PLEC: variants seen among roughly 807,000 people sequenced by gnomAD.
PLEC encodes the protein plectin.
PLEC carries 216 observed loss-of-function variants against 392.8 expected under a neutral mutation model. The ratio of observed to expected loss-of-function variants is 0.55; its 90% CI spans 0.49 to 0.62. PLEC has a LOEUF of 0.62. Among genes scored for constraint, PLEC ranks in the 20% least tolerant of loss-of-function variants. PLEC has a pLI of 0.00. For synonymous variants in PLEC, 3,621 were observed against 2,980.6 expected, an observed-to-expected ratio of 1.21 and a Z score of -7.00; for missense variants, 6,863 against 6,563.4, an observed-to-expected ratio of 1.05 and a Z score of -1.58.
Position 143,916,083 on chromosome 8 carries a change from G to A in PLEC, c.*94C>T. ...TTTGGTTAAACTTTAGGCACCACTTGGGAGGAAGACACCTTTAAGCGTTGA... is the reference window on the plus strand; with the variant it reads ...TTTGGTTAAACTTTAGGCACCACTTAGGAGGAAGACACCTTTAAGCGTTGA... On this transcript the variant is annotated 3_prime_UTR_variant, in exon 32 of 32. Transcript: ENST00000345136. 1.2e-6 allele frequency: 1 copy of A among 805,854 alleles called. No individual in the cohort carries two copies. The highest frequency in any genetic ancestry group is 3.0e-5 in the Admixed American group (1 of 33,172). 49.9% of individuals were successfully genotyped at this position (805,854 alleles called of 1,614,324 possible). A position where few individuals can be genotyped will look rare whatever the true frequency, so the allele number is the denominator to read the frequency against.
rs1296757925 is a variant in PLEC at position 143,972,489 on chromosome 8, G to A, written c.70+914C>T. Among the ~76,000 whole-genome samples the A allele has an allele frequency of 4.6e-5, 7 of 152,210 alleles. No homozygotes were observed. The East Asian group carries it at 5.8e-4, about 13-fold the overall frequency. ...TACCCAGCTGGGCAAGGTTGTGGTG[G>A]AGAGCGGCACCACGGGGCCCCAGCA... On this transcript the variant is annotated intron_variant, in intron 1 of 31. Transcript: ENST00000356346.
chr8:143,932,691 G>T lies in PLEC; in HGVS notation c.1759C>A (p.Arg587=). Residue 587 remains arginine, a synonymous_variant, in exon 15 of 32, where the codon CGG becomes AGG. Coordinates refer to ENST00000345136, the MANE Select transcript of PLEC (RefSeq NM_201384.3). The stretch of plus-strand genomic sequence containing the variant: ...CCCAGGCAGTCACGGTAGGCACCCC[G>T]GGTGGCGGGGGAGAGCTGGCCCTGC... ...SDEGQLSPAT[R]GAYRDCLGRL... 1 of 1,607,658 alleles carries T rather than the reference G, an allele frequency of 6.2e-7. No individual in the cohort carries two copies. Among genetic ancestry groups the T allele is most frequent in the South Asian group, 1.1e-5 (1 of 90,476 alleles).
intron 1 of PLEC, chr8:143,945,105 G>A (rs1831253485): frequency 2.5e-6 from 1 of 405,092 alleles, no homozygotes; most frequent in Admixed American, 4.0e-5. Context: ...AAGGCCACAG[G>A]GGCCAAGAGA....
chr8:143,968,011 C>T (rs1554742830), intron 1 of PLEC, among the ~76,000 whole-genome samples: 1 of 151,654 alleles, frequency 6.6e-6, no homozygotes, highest in East Asian at 1.9e-4. Context: ...ACATGTAATC[C>T]CAGCTACTCG....
Position 143,918,924 on chromosome 8 carries a change from G to A in PLEC, c.10897C>T (p.Arg3633Cys), listed in dbSNP as rs200653006. The A allele has an allele frequency of 6.3e-5, 101 of 1,610,758 alleles. No homozygotes were observed. Among genetic ancestry groups the A allele is most frequent in the Admixed American group, 1.0e-4 (6 of 60,010 alleles). ...TCGTAGGAGGCCAGACCCTGCTGGC[G>A]GATGATCTCTGTCTTCTCAATGATC... Reference protein sequence around the residue: ...IEIIEKTEIIRQQGLASYDYV... With the variant: ...IEIIEKTEIICQQGLASYDYV... Residue 3633 changes from arginine (R) to cysteine (C), a missense_variant, in exon 32 of 32, where the codon CGC becomes TGC. Coordinates refer to ENST00000345136, the MANE Select transcript of PLEC (RefSeq NM_201384.3).
intron 1 of PLEC, among the ~76,000 whole-genome samples, chr8:143,967,151 C>T (rs1833139816): frequency 6.6e-6 from 1 of 151,526 alleles, no homozygotes; most frequent in Admixed American, 6.6e-5. Context: ...ATCACGAGGT[C>T]AGGAGATCGA....
upstream of PLEC, among the ~76,000 whole-genome samples, chr8:143,952,598 G>GC: frequency 6.6e-6 from 1 of 151,716 alleles, no homozygotes; most frequent in East Asian, 2.0e-4. Flanking sequence ...CAGGCCGACC[G>GC]CATCTTCCTG....
intron 1 of PLEC, among the ~76,000 whole-genome samples, chr8:143,967,513 C>G (rs1833171092): frequency 6.6e-6 from 1 of 152,118 alleles, no homozygotes; most frequent in Non-Finnish European, 1.5e-5. Context: ...TGGTGCTGCC[C>G]ACAGGCAACT....
Position 143,917,911 on chromosome 8 carries a change from C to T in PLEC, c.11910G>A (p.Gln3970=), listed in dbSNP as rs782710557. The part of the protein sequence containing the change: ...PGTAFELLEA[Q]AATGYVIDPI... ...GGTCGATGACGTAACCGGTGGCCGCCTGCGCCTCCAGGAGCTCAAAGGCTG... is the reference window on the plus strand; with the variant it reads ...GGTCGATGACGTAACCGGTGGCCGCTTGCGCCTCCAGGAGCTCAAAGGCTG... The change falls in exon 32 of 32, where the codon CAG becomes CAA. Residue 3970 remains glutamine, a synonymous_variant. Transcript: ENST00000345136. 8.7e-6 allele frequency: 14 copies of T among 1,613,144 alleles called. No individual in the cohort carries two copies. The Admixed American group carries it at 2.3e-4, about 27-fold the overall frequency.
At position 143,920,772 on chromosome 8, in the gene PLEC, GCA is replaced by G. The variant is rs782329610; in HGVS notation, c.9047_9048del (p.Val3016AlafsTer77). Reference sequence around the variant, plus strand: ...ACGTTGGCACCCCGGAGAGCCCGCCGCACAGTGTCCACCTCGGCTACGTCTCG... The same window carrying G: ...ACGTTGGCACCCCGGAGAGCCCGCCGCAGTGTCCACCTCGGCTACGTCTCG... ...SVRDVAEVDTVRRALRGANVI... is the reference protein window; with the variant it reads ...SVRDVAEVDTXRRALRGANVI... On this transcript the variant is annotated frameshift_variant, in exon 32 of 32. Coordinates refer to ENST00000345136, the MANE Select transcript of PLEC (RefSeq NM_201384.3). LOFTEE classifies it high-confidence loss of function. 1 of 1,606,602 alleles carries G rather than the reference GCA, an allele frequency of 6.2e-7. No homozygotes were observed.
At chr8:143,930,106 G>A (rs372820219) in intron 21 of PLEC, 38 bp downstream of exon 21, 302 of 1,598,906 alleles carry the variant, frequency 1.9e-4, no homozygotes, top group Non-Finnish European at 2.4e-4. Flanking sequence ...CGCCCCACCC[G>A]CCTTCCAGCC....
Position 143,923,437 on chromosome 8 carries a change from G to C in PLEC, c.6492C>G (p.Asp2164Glu), listed in dbSNP as rs575031901. 6.2e-7 allele frequency: 1 copy of C among 1,609,448 alleles called. No homozygotes were observed. Among genetic ancestry groups the C allele is most frequent in the South Asian group, 1.1e-5 (1 of 91,048 alleles). The change falls in exon 31 of 32, where the codon GAC becomes GAG. Residue 2164 changes from aspartate to glutamate, a missense_variant. Coordinates refer to ENST00000345136, the MANE Select transcript of PLEC (RefSeq NM_201384.3). ...QAALRQKQAA[D>E]AEMEKHKKFA... is the part of the protein sequence containing the mutation. ...ATTTCTTATGCTTCTCCATCTCCGC[G>C]TCAGCTGCCTGCTTCTGCCGCAGGG...
In PLEC at chr8:143,929,473, G is replaced by A. The variant is rs782746904; in HGVS notation, c.3022C>T (p.Arg1008Trp). 1.2e-5 allele frequency: 20 copies of A among 1,600,398 alleles called. No homozygotes were observed. Among genetic ancestry groups the A allele is most frequent in the East Asian group, 9.0e-5 (4 of 44,370 alleles). Residue 1008 changes from arginine to tryptophan, a missense_variant, in exon 24 of 32, where the codon CGG becomes TGG. Coordinates refer to ENST00000345136, the MANE Select transcript of PLEC (RefSeq NM_201384.3). ...ACETRTVHRL[R>W]LPLDKEPARE... is the part of the protein sequence containing the mutation. ...GCCGGCTCTTTGTCCAGCGGCAGCC[G>A]CAGGCGGTGCACGGTGCGCGTCTCA...
chr8:143,939,690 G>A, upstream of PLEC: 3 of 1,365,308 alleles, frequency 2.2e-6, no homozygotes, highest in Non-Finnish European at 2.9e-6. Flanking sequence ...CCAGGGAGGG[G>A]AGTGTCCCGG....
At position 143,922,740 on chromosome 8, in the gene PLEC, C is replaced by T. The variant is rs997170110; in HGVS notation, c.7189G>A (p.Ala2397Thr). The change falls in exon 31 of 32, where the codon GCC (alanine) becomes ACC (threonine). Residue 2397 changes from alanine (A) to threonine (T), a missense_variant. By Grantham distance (58) the Ala-to-Thr change is moderately conservative (BLOSUM62 0). Coordinates refer to ENST00000345136, the MANE Select transcript of PLEC (RefSeq NM_201384.3). ...CGCTGGGCGTCCTCCTCAGCGCGGG[C>T]CTGGGCTCGGCTCATCTCGGCCACA... Reference protein sequence around the residue: ...LRVAEMSRAQARAEEDAQRFR... With the variant: ...LRVAEMSRAQTRAEEDAQRFR... The T allele has an allele frequency of 6.2e-7, 1 of 1,610,638 alleles. No individual in the cohort carries two copies. Among genetic ancestry groups the T allele is most frequent in the Non-Finnish European group, 8.5e-7 (1 of 1,179,568 alleles).
intron 1 of PLEC, among the ~76,000 whole-genome samples, chr8:143,947,507 G>A (rs561509340): frequency 8.5e-5 from 13 of 152,324 alleles, no homozygotes; most frequent in Admixed American, 5.9e-4. Flanking sequence ...CACTTTGGGA[G>A]GCTGAGGCAG....
At chr8:143,937,272 T>C (rs1206349160) in intron 3 of PLEC, 30 bp from the exon 4 acceptor site, 19 of 1,548,064 alleles carry the variant, frequency 1.2e-5, no homozygotes, top group Non-Finnish European at 1.5e-5. Context: ...GCACCCACAG[T>C]GCAGCTGCAG....
Position 143,923,176 on chromosome 8 carries a change from G to A in PLEC, c.6753C>T (p.Asn2251=). The A allele has an allele frequency of 1.2e-6, 2 of 1,602,588 alleles. No homozygotes were observed. The highest frequency in any genetic ancestry group is 2.2e-5 in the South Asian group (2 of 91,074). Residue 2251 remains asparagine, a synonymous_variant, in exon 31 of 32, where the codon AAC becomes AAT. Coordinates refer to ENST00000345136, the MANE Select transcript of PLEC (RefSeq NM_201384.3). ...CCTTGTCACGCAAGATGAGTGCGCGGTTCTCAGCCTCGATGCGTGCCTTGA... is the reference window on the plus strand; with the variant it reads ...CCTTGTCACGCAAGATGAGTGCGCGATTCTCAGCCTCGATGCGTGCCTTGA... The part of the protein sequence containing the change: ...SKLKARIEAE[N]RALILRDKDN...
rs34534853 is a variant in PLEC, at chr8:143,921,502, G to A, written c.8319C>T (p.Ala2773=). The change falls in exon 32 of 32, where the codon GCC becomes GCT. Residue 2773 remains alanine, a synonymous_variant. Transcript: ENST00000345136. ...LHHKLLSAER[A]VTGYKDPYTG... ...TGTAGGGGTCCTTGTAGCCAGTGAC[G>A]GCGCGCTCGGCCGACAGCAGCTTGT... The A allele has an allele frequency of 0.01, 16,433 of 1,612,930 alleles. 1,468 individuals carry two copies. In the African/African-American group the frequency reaches 0.19, roughly 19 times the overall value.
Sources: allele counts gnomAD v4.1 joint callset (sites outside exome capture counted in the v4.1 genomes callset), GRCh38; gene constraint gnomAD v4.1.1; transcripts MANE v1.5; gene names NCBI Gene and HGNC (gene_info 2026-07-23, HGNC 2026-07-21).